DLGAP4: variants seen among roughly 807,000 people sequenced by gnomAD.
DLGAP4 encodes DLG associated protein 4.
Under a neutral mutation model 86.9 loss-of-function variants are expected in DLGAP4, and 18 were observed. The observed-to-expected ratio is 0.21, with a 90% CI of 0.14 to 0.31. DLGAP4 has a LOEUF of 0.31. Among genes scored for constraint, DLGAP4 ranks in the 10% least tolerant of loss-of-function variants. The pLI is 1.00. For synonymous variants in DLGAP4, 548 were observed against 574.3 expected (o/e 0.95, Z 0.65); for missense variants, 1,085 against 1,362.6 (o/e 0.80, Z 3.21).
rs1213089242 is a variant in DLGAP4 at position 36,446,910 on chromosome 20, A to G, written c.1621A>G (p.Ser541Gly). The G allele has an allele frequency of 1.2e-6, 2 of 1,611,688 alleles. No homozygotes were observed. The highest frequency in any genetic ancestry group is 2.2e-5 in the South Asian group (2 of 91,030). ...QSLSPPPSTG[S>G]LSNSRTLPSS... ...CCTCTCCCCACCGCCCAGTACCGGC[A>G]GCCTCAGCAATAGTCGCACGCTTCC... The change falls in exon 7 of 13, where the codon AGC (serine) becomes GGC (glycine). Residue 541 changes from serine to glycine, a missense_variant. Physicochemically the swap from Ser to Gly is moderately conservative, Grantham distance 56 (BLOSUM62 0). Around this residue, in one of 2 missense-constraint regions of DLGAP4, gnomAD observed 1,082 missense variants for 1,344.1 expected, o/e 0.81. Coordinates refer to ENST00000339266, the MANE Select transcript of DLGAP4 (RefSeq NM_001365621.2).
chr20:36,465,183 C>T (rs2034292799), intron 7 of DLGAP4: 2 of 150,506 alleles, frequency 1.3e-5, no homozygotes, highest in South Asian at 2.1e-4. Flanking sequence ...CCCCGCATGC[C>T]CTGTGGTTGG....
chr20:36,487,851 C>G (rs1320599616), intron 7 of DLGAP4, among the ~76,000 whole-genome samples: 3 of 152,180 alleles, frequency 2.0e-5, no homozygotes, highest in African/African-American at 7.2e-5. Context: ...TGGCTCCTAC[C>G]CGGAGCACAT....
At chr20:36,421,124 A>G (rs915224013) in intron 2 of DLGAP4, among the ~76,000 whole-genome samples, 1 of 151,824 alleles carries the variant, frequency 6.6e-6, no homozygotes, top group Non-Finnish European at 1.5e-5. Context: ...CTGGGCAAAA[A>G]ACACAGCAAG....
intron 1 of DLGAP4, among the ~76,000 whole-genome samples, chr20:36,330,526 A>T (rs1245828371): frequency 6.6e-6 from 1 of 150,418 alleles, no homozygotes; most frequent in Non-Finnish European, 1.5e-5. Flanking sequence ...GACCTACTTC[A>T]TAGGGTAGCT....
At chr20:36,435,102 T>C (rs2033235759) in intron 3 of DLGAP4, among the ~76,000 whole-genome samples, 1 of 151,706 alleles carries the variant, frequency 6.6e-6, no homozygotes, top group African/African-American at 2.4e-5. Context: ...TGTGACAAAG[T>C]GGCTGCTGGT....
At chr20:36,467,064 C>CTCTCTCCCTCT (rs1555907464) in intron 7 of DLGAP4, among the ~76,000 whole-genome samples, 3 of 118,144 alleles carry the variant, frequency 2.5e-5, no homozygotes, top group African/African-American at 1.5e-4. Flanking sequence ...CTCTCTCTCT[C>CTCTCTCCCTCT]CCCCCCCCTT....
At chr20:36,355,035 AT>A (rs1344635281) in intron 1 of DLGAP4, among the ~76,000 whole-genome samples, 1 of 152,202 alleles carries the variant, frequency 6.6e-6, no homozygotes, top group African/African-American at 2.4e-5. Context: ...AAATCCAACT[AT>A]TTTAAGCATT....
chr20:36,437,344 C>T (rs1460294205), intron 4 of DLGAP4, among the ~76,000 whole-genome samples: 1 of 152,180 alleles, frequency 6.6e-6, no homozygotes, highest in Non-Finnish European at 1.5e-5. Context: ...ACCCCTCCCA[C>T]AGGAGCCACA....
chr20:36,351,936 G>A (rs1333250194), intron 1 of DLGAP4, among the ~76,000 whole-genome samples: 1 of 152,204 alleles, frequency 6.6e-6, no homozygotes, highest in Non-Finnish European at 1.5e-5. Flanking sequence ...TGCCGGCCGG[G>A]TGGTGTGAGT....
At chr20:36,467,864 A>C (rs1157201420) in intron 7 of DLGAP4, among the ~76,000 whole-genome samples, 1 of 152,202 alleles carries the variant, frequency 6.6e-6, no homozygotes, top group African/African-American at 2.4e-5. Context: ...TCTGTACAAT[A>C]AGCCAGAGGC....
At chr20:36,418,482 C>T (rs1193041265) in intron 2 of DLGAP4, among the ~76,000 whole-genome samples, 1 of 152,190 alleles carries the variant, frequency 6.6e-6, no homozygotes, top group Non-Finnish European at 1.5e-5. Context: ...GTCTAGAAGA[C>T]TTCAGTTCTT....
chr20:36,318,891 A>G (rs181549785), intron 1 of DLGAP4, among the ~76,000 whole-genome samples: 35 of 152,304 alleles, frequency 2.3e-4, no homozygotes, highest in African/African-American at 7.0e-4. Flanking sequence ...CACGCCTGTA[A>G]TCTTAGCACT....
intron 1 of DLGAP4, among the ~76,000 whole-genome samples, chr20:36,346,512 G>C (rs1555893006): frequency 6.6e-6 from 1 of 152,230 alleles, no homozygotes; most frequent in East Asian, 1.9e-4. Context: ...ATTGTGGATG[G>C]GGGAACAGAG....
intron 7 of DLGAP4, among the ~76,000 whole-genome samples, chr20:36,452,431 T>C (rs2033760748): frequency 1.3e-5 from 2 of 152,094 alleles, no homozygotes. Context: ...CCTCCCACCT[T>C]GGCCTTCTAA....
At chr20:36,445,399 G>A (rs1410964718) in intron 6 of DLGAP4, among the ~76,000 whole-genome samples, 1 of 152,202 alleles carries the variant, frequency 6.6e-6, no homozygotes, top group African/African-American at 2.4e-5. Flanking sequence ...AGCTACTCAG[G>A]AGGCTGAGGC....
At chr20:36,451,619 G>A (rs1230340847) in intron 7 of DLGAP4, among the ~76,000 whole-genome samples, 1 of 152,156 alleles carries the variant, frequency 6.6e-6, no homozygotes, top group African/African-American at 2.4e-5. Context: ...ACAAAGTGCT[G>A]GGATTACAGG....
At chr20:36,526,214 G>A (rs182004031) in intron 12 of DLGAP4, 2 of 691,576 alleles carry the variant, frequency 2.9e-6, no homozygotes, top group Non-Finnish European at 5.0e-6. Flanking sequence ...CCTGAAGCAT[G>A]TGTCCTGCCC....
intron 7 of DLGAP4, among the ~76,000 whole-genome samples, chr20:36,467,063 T>TCTCTCCCC: frequency 5.1e-5 from 2 of 39,384 alleles, no homozygotes; most frequent in Admixed American, 2.2e-4. Flanking sequence ...TCTCTCTCTC[T>TCTCTCCCC]CCCCCCCCCT....
At chr20:36,356,970 G>A (rs2030350969) in intron 1 of DLGAP4, among the ~76,000 whole-genome samples, 1 of 152,082 alleles carries the variant, frequency 6.6e-6, no homozygotes, top group African/African-American at 2.4e-5. Context: ...GCTGTCTTCA[G>A]GCCCCAGTAT....
Sources: gnomAD v4.1 joint callset for allele counts (sites outside exome capture counted in the v4.1 genomes callset) on GRCh38, gnomAD v4.1.1 for gene constraint, gnomAD v4.1.1 regional missense constraint, MANE v1.5 for transcripts, NCBI Gene and HGNC (gene_info 2026-07-23, HGNC 2026-07-21) for gene names.